APBA2: variants seen among roughly 807,000 people sequenced by gnomAD.
The protein encoded by APBA2 is amyloid beta precursor protein binding family A member 2.
APBA2 carries 30 observed loss-of-function variants against 75.0 expected under a neutral mutation model. That is an observed-to-expected ratio of 0.40 (90% CI 0.30 to 0.54). APBA2 has a LOEUF of 0.54. Among genes scored for constraint, APBA2 ranks in the 20% least tolerant of loss-of-function variants. APBA2 has a pLI of 0.49. For synonymous variants in APBA2, 444 were observed against 409.6 expected, an observed-to-expected ratio of 1.08 and a Z score of -1.01; for missense variants, 801 against 1,016.1, an observed-to-expected ratio of 0.79 and a Z score of 2.88.
rs758506781 is a variant in APBA2 at position 29,117,468 on chromosome 15, C to T, written c.*335C>T. The T allele has an allele frequency of 1.9e-4, 70 of 376,616 alleles. No homozygotes were observed. The highest frequency in any genetic ancestry group is 5.2e-4 in the African/African-American group (25 of 48,068). The allele number at this position is 376,616 out of a possible 1,614,324, so 23.3% of individuals were successfully genotyped here. ...TGTGTCTTTCCTCCCTGAAGCTGTG[C>T]GGAGCGAACTGGCGCCTCCGAGGGA... On this transcript the variant is annotated 3_prime_UTR_variant, in exon 15 of 15. Transcript: ENST00000683413.
intron 6 of APBA2, among the ~76,000 whole-genome samples, chr15:29,079,998 T>C (rs955679261): frequency 2.0e-5 from 3 of 152,134 alleles, no homozygotes; most frequent in African/African-American, 7.2e-5. Context: ...ACAGTGAGGC[T>C]AAAGTCACTT....
intron 3 of APBA2, among the ~76,000 whole-genome samples, chr15:29,026,096 A>C (rs2040209726): frequency 6.6e-6 from 1 of 152,188 alleles, no homozygotes; most frequent in Non-Finnish European, 1.5e-5. Context: ...TTTCTACTTA[A>C]CACCCTCCTC....
intron 2 of APBA2, among the ~76,000 whole-genome samples, chr15:28,961,111 G>C (rs543866350): frequency 6.6e-6 from 1 of 152,096 alleles, no homozygotes; most frequent in Admixed American, 6.6e-5. Context: ...GAGTCACACC[G>C]GGAAGTGATT....
chr15:29,071,997 A>G (rs1224886036), intron 4 of APBA2, among the ~76,000 whole-genome samples: 1 of 151,998 alleles, frequency 6.6e-6, no homozygotes, highest in Non-Finnish European at 1.5e-5. Context: ...TTGAAGTTGC[A>G]TGAAGGTACA....
rs545090978 is a variant in APBA2 at position 28,897,062 on chromosome 15, G to T, written c.-205+10784G>T. Among the ~76,000 whole-genome samples the T allele has an allele frequency of 3.3e-5, 5 of 152,140 alleles. No individual in the cohort carries two copies. In the South Asian group the frequency reaches 1.0e-3, roughly 32 times the overall value. ...CTCCGGCCCTGACACCAGAAACTAG[G>T]CCTCCATCTGCCAGTGTCTTAGTGG... On this transcript the variant is annotated intron_variant, in intron 1 of 14. Coordinates refer to ENST00000683413, the MANE Select transcript of APBA2 (RefSeq NM_001353788.2).
chr15:29,108,532 C>T (rs764793566), intron 13 of APBA2, 143 bp downstream of exon 13: 137 of 1,330,046 alleles, frequency 1.0e-4, no homozygotes, highest in Non-Finnish European at 1.4e-4. Flanking sequence ...GCCAGGCCAC[C>T]TGGGGCAGGA....
chr15:29,005,638 G>A (rs904818226), intron 3 of APBA2, among the ~76,000 whole-genome samples: 4 of 152,174 alleles, frequency 2.6e-5, no homozygotes, highest in African/African-American at 9.7e-5. Context: ...GCCAAGGCAG[G>A]TGGATCACTT....
At chr15:29,002,553 G>A (rs2038903740) in intron 3 of APBA2, among the ~76,000 whole-genome samples, 1 of 151,908 alleles carries the variant, frequency 6.6e-6, no homozygotes, top group South Asian at 2.1e-4. Context: ...GCCATGTGCT[G>A]GTCTCGGGGG....
rs142155061 is a variant in APBA2 at position 29,117,737 on chromosome 15, C to CTAT, written c.*610_*612dup. The stretch of plus-strand genomic sequence containing the variant: ...TGAAAACTCCATATTTATTTAGATG[C>CTAT]TATTATTACTGTTTGGACTTTTATT... On this transcript the variant is annotated 3_prime_UTR_variant, in exon 15 of 15. Coordinates refer to ENST00000683413, the MANE Select transcript of APBA2 (RefSeq NM_001353788.2). The CTAT allele has an allele frequency of 0.031, 4,797 of 154,340 alleles. 266 individuals carry two copies. Among genetic ancestry groups the CTAT allele is most frequent in the African/African-American group, 0.11 (4,594 of 41,478 alleles). The allele number at this position is 154,340 out of a possible 1,614,324, so 9.6% of individuals were successfully genotyped here. A position where few individuals can be genotyped will look rare whatever the true frequency, so the allele number is the denominator to read the frequency against.
rs777930945 is a variant in APBA2 at position 28,969,151 on chromosome 15, T to TCTTG, written c.-94-26599_-94-26598insGCTT. ...CTTTTTCTTTCTTTCTTTCTTTCTT[T>TCTTG]CTTTCTTTCTTTCTTTCTTTCTTTC... On this transcript the variant is annotated intron_variant, in intron 2 of 14. Coordinates refer to ENST00000683413, the MANE Select transcript of APBA2 (RefSeq NM_001353788.2). 1.2e-4 allele frequency among the ~76,000 whole-genome samples: 9 copies of TCTTG among 76,814 alleles called. No homozygotes were observed. In the African/African-American group the frequency reaches 3.9e-3, roughly 34 times the overall value. The allele number at this position is 76,814 out of a possible 152,430, so 50.4% of individuals were successfully genotyped here.
chr15:28,897,298 C>G (rs958661909), intron 1 of APBA2, among the ~76,000 whole-genome samples: 1 of 151,926 alleles, frequency 6.6e-6, no homozygotes, highest in Non-Finnish European at 1.5e-5. Flanking sequence ...CCATTCCACA[C>G]CCACCAGAAT....
chr15:29,008,611 A>T (rs1489049349), intron 3 of APBA2, among the ~76,000 whole-genome samples: 2 of 152,134 alleles, frequency 1.3e-5, no homozygotes, highest in Non-Finnish European at 2.9e-5. Flanking sequence ...CAGGAGGCTG[A>T]AGTGGGAGGG....
At chr15:28,896,544 G>C (rs1399925423) in intron 1 of APBA2, among the ~76,000 whole-genome samples, 1 of 152,238 alleles carries the variant, frequency 6.6e-6, no homozygotes, top group Admixed American at 6.5e-5. Flanking sequence ...CTCCCAAAGT[G>C]CTGGGATTAC....
intron 3 of APBA2, among the ~76,000 whole-genome samples, chr15:29,029,893 G>A (rs1053201255): frequency 1.3e-5 from 2 of 152,278 alleles, no homozygotes; most frequent in African/African-American, 2.4e-5. Flanking sequence ...GCACCAGCAC[G>A]TCCAGAGGTG....
At chr15:29,107,589 G>A (rs546254117) in intron 12 of APBA2, among the ~76,000 whole-genome samples, 4 of 152,294 alleles carry the variant, frequency 2.6e-5, no homozygotes, top group Admixed American at 6.5e-5. Flanking sequence ...GAGCTGGCCC[G>A]GCAGAGCGTC....
chr15:28,903,443 G>A (rs894438609), intron 1 of APBA2, among the ~76,000 whole-genome samples: 2 of 152,190 alleles, frequency 1.3e-5, no homozygotes, highest in African/African-American at 4.8e-5. Context: ...CTGCAGAAAG[G>A]GTGGCCTGCT....
intron 6 of APBA2, among the ~76,000 whole-genome samples, chr15:29,081,700 T>C (rs150364540): frequency 1.8e-4 from 27 of 152,366 alleles, no homozygotes; most frequent in African/African-American, 5.5e-4. Flanking sequence ...TTTTCCTTTC[T>C]TGCTAGATCT....
chr15:29,005,385 C>T (rs1158009234), intron 3 of APBA2, among the ~76,000 whole-genome samples: 2 of 152,172 alleles, frequency 1.3e-5, no homozygotes, highest in East Asian at 1.9e-4. Flanking sequence ...CTTGGTCTCC[C>T]GAGTAGCTGG....
chr15:28,887,695 C>G (rs961362804), intron 1 of APBA2, among the ~76,000 whole-genome samples: 1 of 152,244 alleles, frequency 6.6e-6, no homozygotes, highest in East Asian at 1.9e-4. Context: ...TGACACGGAC[C>G]TGGAACGCTG....
Sources: allele counts gnomAD v4.1 joint callset (sites outside exome capture counted in the v4.1 genomes callset), GRCh38; gene constraint gnomAD v4.1.1; transcripts MANE v1.5; gene names NCBI Gene and HGNC (gene_info 2026-07-23, HGNC 2026-07-21).